The following ZCCHC8 variants were observed in gnomAD, a reference collection of about 807,000 sequenced individuals.
ZCCHC8 encodes the protein zinc finger CCHC domain-containing protein 8.
A neutral mutation model predicts 70.6 loss-of-function variants in ZCCHC8; 27 were observed. That is an observed-to-expected ratio of 0.38 (90% CI 0.28 to 0.53). ZCCHC8 has a LOEUF of 0.53. ZCCHC8 is among the 20% of genes least tolerant of loss of function. The pLI is 0.81. For synonymous variants in ZCCHC8, 293 were observed against 317.4 expected (o/e 0.92, Z 0.82); for missense variants, 737 against 876.9 (o/e 0.84, Z 2.01).
intron 5 of ZCCHC8, among the ~76,000 whole-genome samples, chr12:122,486,887 C>T (rs762330018): frequency 1.8e-4 from 28 of 152,302 alleles, no homozygotes; most frequent in Admixed American, 3.3e-4. Context: ...TGGTTTTAAG[C>T]CCTGCCCTGG....
Position 122,490,497 on chromosome 12 carries a change from C to G in ZCCHC8, c.388G>C (p.Asp130His). ...AGATTAAAGGAAGTCTTTTCCACAT[C>G]ATTTTTCTGCTGTTCCTCAAATCTT... ...VKRFEEQQKN[D>H]VEKTSFNLLP... is the part of the protein sequence containing the mutation. Residue 130 changes from aspartate (D) to histidine (H), a missense_variant, in exon 4 of 14, where the codon GAT (aspartate) becomes CAT (histidine). Asp to His is a moderately conservative substitution (Grantham distance 81). Coordinates refer to ENST00000633063, the MANE Select transcript of ZCCHC8 (RefSeq NM_017612.5). 1 of 1,612,928 alleles carries G rather than the reference C, an allele frequency of 6.2e-7. No individual in the cohort carries two copies. Among genetic ancestry groups the G allele is most frequent in the Non-Finnish European group, 8.5e-7 (1 of 1,179,374 alleles).
rs1957447808 is a variant in ZCCHC8, at chr12:122,477,783, T to G, written c.1345+58A>C. The G allele has an allele frequency of 2.4e-6, 3 of 1,239,568 alleles. No homozygotes were observed. The African/African-American group carries it at 5.0e-5, about 21-fold the overall frequency. 76.8% of individuals were successfully genotyped at this position (1,239,568 alleles called of 1,614,324 possible). A position where few individuals can be genotyped will look rare whatever the true frequency, so the allele number is the denominator to read the frequency against. ...CCAGCCTGGGTGACAAGAGTGAGAC[T>G]CCATCTCAAAAAAAAAAAAAAAAAA... On this transcript the variant is annotated intron_variant, in intron 13 of 13. Transcript: ENST00000633063.
At chr12:122,481,351 C>T (rs1957529733) in intron 10 of ZCCHC8, 171 bp downstream of exon 10, 1 of 872,070 alleles carries the variant, frequency 1.1e-6, no homozygotes, top group African/African-American at 1.7e-5. Context: ...TACAAACTCA[C>T]TGAAATTTTA....
intron 11 of ZCCHC8, among the ~76,000 whole-genome samples, chr12:122,478,849 AC>A (rs1807024868): frequency 6.6e-6 from 1 of 152,046 alleles, no homozygotes; most frequent in African/African-American, 2.4e-5. Flanking sequence ...TAAGGGTGGG[AC>A]TCAAGAATGT....
Position 122,474,175 on chromosome 12 carries a change from G to T in ZCCHC8, c.1446C>A (p.Pro482=). The T allele has an allele frequency of 6.6e-7, 1 of 1,514,372 alleles. No individual in the cohort carries two copies. 93.8% of individuals were successfully genotyped at this position (1,514,372 alleles called of 1,614,324 possible). A position where few individuals can be genotyped will look rare whatever the true frequency, so the allele number is the denominator to read the frequency against. ...TPPLPRGTPP[P]VFTPPLPKGT... is the part of the protein sequence containing the mutation. ...CCTTTGGGAGTGGAGGGGTGAAGAC[G>T]GGTGGAGGAGTTCCCCGGGGGAGTG... Residue 482 remains proline, a synonymous_variant, in exon 14 of 14, where the codon CCC becomes CCA. Coordinates refer to ENST00000633063, the MANE Select transcript of ZCCHC8 (RefSeq NM_017612.5).
At chr12:122,481,488 C>CT (rs755170585) in intron 10 of ZCCHC8, 34 bp downstream of exon 10, 1 of 1,551,218 alleles carries the variant, frequency 6.4e-7, no homozygotes, top group African/African-American at 1.4e-5. Context: ...AAAGGAAACA[C>CT]TTAAGGTGAC....
rs554668807 is a variant in ZCCHC8 at position 122,482,030 on chromosome 12, C to G, written c.790G>C (p.Glu264Gln). The G allele has an allele frequency of 1.9e-6, 3 of 1,613,170 alleles. No homozygotes were observed. The highest frequency in any genetic ancestry group is 3.3e-4 in the Middle Eastern group (2 of 6,058). The change falls in exon 9 of 14, where the codon GAA becomes CAA. Residue 264 changes from glutamate to glutamine, a missense_variant. Transcript: ENST00000633063. Reference sequence around the variant, plus strand: ...TGCTGGAAATTCTGATTGTTTGCTTCTCCACAGGCATCCATATACTCTTTT... The same window carrying G: ...TGCTGGAAATTCTGATTGTTTGCTTGTCCACAGGCATCCATATACTCTTTT... ...KRKEYMDACG[E>Q]ANNQNFQQRY...
intron 5 of ZCCHC8, among the ~76,000 whole-genome samples, chr12:122,485,749 C>T (rs949487431): frequency 3.3e-5 from 5 of 151,682 alleles, no homozygotes; most frequent in African/African-American, 9.7e-5. Flanking sequence ...CGGCTCACTG[C>T]AAGCTCTGCC....
chr12:122,495,903 G>GCCCAGTGT (rs1418765359), intron 2 of ZCCHC8, among the ~76,000 whole-genome samples: 1 of 138,474 alleles, frequency 7.2e-6, no homozygotes, highest in Non-Finnish European at 1.6e-5. Flanking sequence ...AACAGACTAA[G>GCCCAGTGT]CCCAGTGTAA....
intron 13 of ZCCHC8, among the ~76,000 whole-genome samples, chr12:122,476,418 C>T (rs1243498095): frequency 6.6e-6 from 1 of 151,674 alleles, no homozygotes; most frequent in African/African-American, 2.4e-5. Flanking sequence ...CAAAATAAGA[C>T]CTCGGTGTCT....
At position 122,474,190 on chromosome 12, in the gene ZCCHC8, C is replaced by A; in HGVS notation, c.1431G>T (p.Arg477=). ...GGGTGAAGACGGGTGGAGGAGTTCC[C>A]CGGGGGAGTGGAGGAGTGTCAGGAG... ...PLPPDTPPLP[R]GTPPPVFTPP... Residue 477 remains arginine, a synonymous_variant, in exon 14 of 14, where the codon CGG becomes CGT. Transcript: ENST00000633063. 6.6e-7 allele frequency: 1 copy of A among 1,511,516 alleles called. No homozygotes were observed. Among genetic ancestry groups the A allele is most frequent in the Non-Finnish European group, 8.8e-7 (1 of 1,139,012 alleles). 93.6% of individuals were successfully genotyped at this position (1,511,516 alleles called of 1,614,324 possible). A position where few individuals can be genotyped will look rare whatever the true frequency, so the allele number is the denominator to read the frequency against.
chr12:122,478,439 A>C (rs1363837424), intron 11 of ZCCHC8, 147 bp from the exon 12 acceptor site: 3 of 632,994 alleles, frequency 4.7e-6, no homozygotes, highest in Non-Finnish European at 8.2e-6. Context: ...ATTAAGGAAA[A>C]TAATGTGTTG....
chr12:122,499,040 G>A, intron 1 of ZCCHC8, 171 bp from the exon 2 acceptor site: 1 of 648,714 alleles, frequency 1.5e-6, no homozygotes, highest in Non-Finnish European at 2.7e-6. Flanking sequence ...GTAGGCTTTT[G>A]AAACCCAAAA....
intron 11 of ZCCHC8, 79 bp from the exon 12 acceptor site, chr12:122,478,371 T>G (rs778159290): frequency 3.4e-5 from 32 of 950,800 alleles, no homozygotes; most frequent in Admixed American, 8.0e-5. Context: ...TCAAAGGAGG[T>G]ACAGTGGAGA....
intron 2 of ZCCHC8, among the ~76,000 whole-genome samples, chr12:122,497,479 T>C (rs538419100): frequency 8.6e-4 from 130 of 151,948 alleles, no homozygotes; most frequent in African/African-American, 3.1e-3. Flanking sequence ...GAGGTGAAGG[T>C]TGCAGTGAGC....
chr12:122,488,528 A>G (rs1957683008), intron 5 of ZCCHC8, among the ~76,000 whole-genome samples: 1 of 151,696 alleles, frequency 6.6e-6, no homozygotes, highest in Non-Finnish European at 1.5e-5. Flanking sequence ...AAACATGAAA[A>G]CCAGTTTTCC....
intron 2 of ZCCHC8, 49 bp downstream of exon 2, chr12:122,498,778 A>T (rs376428825): frequency 6.5e-7 from 1 of 1,539,540 alleles, no homozygotes; most frequent in African/African-American, 1.4e-5. Flanking sequence ...TATTAATATC[A>T]GGATAAATAA....
In ZCCHC8 at chr12:122,473,784, C is replaced by G. The variant is rs766491553; in HGVS notation, c.1837G>C (p.Glu613Gln). The change falls in exon 14 of 14, where the codon GAG (glutamate) becomes CAG (glutamine). Residue 613 changes from glutamate to glutamine, a missense_variant. By Grantham distance (29) the Glu-to-Gln change is conservative. Coordinates refer to ENST00000633063, the MANE Select transcript of ZCCHC8 (RefSeq NM_017612.5). The stretch of plus-strand genomic sequence containing the variant: ...CCTTCAGTGTTTACCGGAGCCAACT[C>G]TGCTTTTTCCTTCTGACAAAGTGAT... The part of the protein sequence containing the change: ...VTSLCQKEKA[E>Q]LAPVNTEGAL... 5 of 1,613,096 alleles carry G rather than the reference C, an allele frequency of 3.1e-6. No homozygotes were observed. In the East Asian group the frequency reaches 1.1e-4, roughly 36 times the overall value.
intron 2 of ZCCHC8, among the ~76,000 whole-genome samples, chr12:122,498,134 C>A (rs1957856440): frequency 6.7e-6 from 1 of 149,096 alleles, no homozygotes; most frequent in Non-Finnish European, 1.5e-5. Flanking sequence ...GTAAATAAAT[C>A]TTCAGCTAGA....
Sources: gnomAD v4.1 joint callset for allele counts (sites outside exome capture counted in the v4.1 genomes callset) on GRCh38, gnomAD v4.1.1 for gene constraint, MANE v1.5 for transcripts, NCBI Gene and HGNC (gene_info 2026-07-23, HGNC 2026-07-21) for gene names.